Variants in C3orf49 observed in about 807,000 individuals in gnomAD.
C3orf49 encodes putative uncharacterized protein C3orf49.
In C3orf49, 27 loss-of-function variants were observed where a neutral mutation model predicts 13.3. The observed-to-expected ratio is 2.02, with a 90% CI of 1.49 to 2.79. The LOEUF is 2.79. C3orf49 is among the 30% of genes most tolerant of loss of function. The probability of loss-of-function intolerance (pLI) is 0.00; values close to 1 mark genes in which losing one functional copy is unlikely to be tolerated. For synonymous variants in C3orf49, 87 were observed against 47.6 expected (o/e 1.83, Z -3.40); for missense variants, 242 against 134.2 (o/e 1.80, Z -3.97).
chr3:63,817,457 G>A (rs1701337795), upstream of C3orf49, among the ~76,000 whole-genome samples: 1 of 152,044 alleles, frequency 6.6e-6, no homozygotes, highest in Admixed American at 6.6e-5. Flanking sequence ...GGAACCACTA[G>A]GCATTCAAAT....
At chr3:63,822,177 G>T (rs901345811) in intron 1 of C3orf49, among the ~76,000 whole-genome samples, 2 of 152,036 alleles carry the variant, frequency 1.3e-5, no homozygotes, top group African/African-American at 4.8e-5. Context: ...GGGTTTCACC[G>T]TGTTAGCCAG....
At chr3:63,848,221 G>A (rs1485937503) in intron 6 of C3orf49, 143 bp from the exon 7 acceptor site, 1 of 152,128 alleles carries the variant, frequency 6.6e-6, no homozygotes, top group South Asian at 2.1e-4. Context: ...GAGATTAAGA[G>A]TCTGGCACCT....
At chr3:63,816,051 C>T (rs565526216), upstream of C3orf49, among the ~76,000 whole-genome samples, 20 of 151,060 alleles carry the variant, frequency 1.3e-4, no homozygotes, top group South Asian at 4.2e-4. Flanking sequence ...CTCAAAGTGC[C>T]GGGATTACAG....
At chr3:63,807,811 C>T in the C3orf49 span, among the ~76,000 whole-genome samples, 5 of 138,896 alleles carry the variant, frequency 3.6e-5, no homozygotes, top group South Asian at 2.3e-4. Context: ...GAGCCCAGCT[C>T]GCCCCATTGC....
At chr3:63,827,511 T>C (rs2107102744) in intron 2 of C3orf49, 90 bp from the exon 3 acceptor site, 1 of 594,300 alleles carries the variant, frequency 1.7e-6, no homozygotes, top group East Asian at 2.8e-5. Flanking sequence ...CAGCAAGTGA[T>C]GCTGTCTTCT....
chr3:63,831,060 AAAT>A (rs1426809859), intron 3 of C3orf49, 47 bp from the exon 4 acceptor site: 1 of 679,620 alleles, frequency 1.5e-6, no homozygotes, highest in Non-Finnish European at 2.6e-6. Context: ...ACCATCACAT[AAAT>A]AATGTTGGTA....
chr3:63,843,139 G>A (rs1049876910), intron 5 of C3orf49, among the ~76,000 whole-genome samples: 2 of 150,762 alleles, frequency 1.3e-5, no homozygotes, highest in African/African-American at 4.9e-5. Context: ...TTTGTTTGGA[G>A]ACAGAGTCTC....
the C3orf49 span, among the ~76,000 whole-genome samples, chr3:63,812,371 G>A: frequency 4.6e-5 from 7 of 152,142 alleles, no homozygotes; most frequent in African/African-American, 1.7e-4. Flanking sequence ...GCCATCCTGG[G>A]TCACCTGTGG....
chr3:63,844,250 A>C (rs1701837828), intron 5 of C3orf49, among the ~76,000 whole-genome samples: 1 of 152,220 alleles, frequency 6.6e-6, no homozygotes, highest in African/African-American at 2.4e-5. Context: ...ACATACTTAC[A>C]GTTAGGCAAG....
chr3:63,840,687 G>C (rs575240142), intron 5 of C3orf49, among the ~76,000 whole-genome samples: 1 of 152,328 alleles, frequency 6.6e-6, no homozygotes, highest in African/African-American at 2.4e-5. Context: ...CTGAGCTAGT[G>C]TTCTTTCCTG....
chr3:63,802,893 TACACAGACACACAC>T, the C3orf49 span, among the ~76,000 whole-genome samples: 22 of 151,748 alleles, frequency 1.4e-4, no homozygotes, highest in Admixed American at 9.2e-4. Flanking sequence ...CACACACACA[TACACAGACACACAC>T]ACACAGACAC....
At chr3:63,784,528 C>T in the C3orf49 span, among the ~76,000 whole-genome samples, 3 of 152,276 alleles carry the variant, frequency 2.0e-5, no homozygotes, top group Admixed American at 6.5e-5. Flanking sequence ...ATAATGCATA[C>T]AGCTGACTTT....
intron 2 of C3orf49, chr3:63,827,343 AAGAG>A: frequency 3.3e-6 from 1 of 303,310 alleles, no homozygotes; most frequent in African/African-American, 2.1e-5. Context: ...TTAAATCTCG[AAGAG>A]AGAGAGAGGT....
At position 63,832,300 on chromosome 3, in the gene C3orf49, G is replaced by A. The variant is rs570398803; in HGVS notation, c.849+456G>A. Among the ~76,000 whole-genome samples, 9 of 152,180 alleles carry A rather than the reference G, an allele frequency of 5.9e-5. No individual in the cohort carries two copies. The South Asian group carries it at 1.7e-3, about 28-fold the overall frequency. On this transcript the variant is annotated intron_variant, in intron 5 of 6. Transcript: ENST00000295896. ...AATTAATCAATGGGGGTGGGGATAC[G>A]GAGGCAGCATTTTAAAAAAAATTCT...
At chr3:63,793,315 T>C in the C3orf49 span, among the ~76,000 whole-genome samples, 1 of 152,076 alleles carries the variant, frequency 6.6e-6, no homozygotes, top group African/African-American at 2.4e-5. Context: ...GGAAGTTCAG[T>C]CCTCATCACC....
chr3:63,846,725 T>C (rs1393986018), intron 6 of C3orf49, among the ~76,000 whole-genome samples: 1 of 152,104 alleles, frequency 6.6e-6, no homozygotes, highest in African/African-American at 2.4e-5. Context: ...TGGTAATTTA[T>C]AACCCCAGTA....
At chr3:63,826,989 G>A (rs901681545) in intron 2 of C3orf49, 4 of 151,688 alleles carry the variant, frequency 2.6e-5, no homozygotes, top group Non-Finnish European at 4.4e-5. Flanking sequence ...CAGGTTTAGT[G>A]CCTTCTGCAA....
intron 5 of C3orf49, chr3:63,838,316 G>A (rs1227667104): frequency 2.4e-6 from 3 of 1,227,820 alleles, no homozygotes; most frequent in African/African-American, 1.6e-5. Flanking sequence ...AGCAGGTATT[G>A]TTTCCTTTAG....
chr3:63,828,935 T>C (rs1432598239), intron 3 of C3orf49, among the ~76,000 whole-genome samples: 3 of 152,200 alleles, frequency 2.0e-5, no homozygotes, highest in African/African-American at 7.2e-5. Context: ...AGTCAATAGC[T>C]ACATGTCACC....
Sources: allele counts gnomAD v4.1 joint callset (sites outside exome capture counted in the v4.1 genomes callset), GRCh38; gene constraint gnomAD v4.1.1; transcripts MANE v1.5; gene names NCBI Gene and HGNC (gene_info 2026-07-23, HGNC 2026-07-21).